LINGO2: variants seen among roughly 807,000 people sequenced by gnomAD.
LINGO2 encodes the protein leucine-rich repeat and immunoglobulin-like domain-containing nogo receptor-interacting protein 2.
Under a neutral mutation model 30.6 loss-of-function variants are expected in LINGO2, and 14 were observed. The observed-to-expected ratio is 0.46, with a 90% confidence interval of 0.30 to 0.72. The LOEUF (loss-of-function observed/expected upper bound fraction) is 0.72. Ranked by LOEUF, LINGO2 falls within the 30% of genes least tolerant of loss-of-function variation. The pLI is 0.07. For missense variants in LINGO2, 729 were observed against 751.7 expected, an observed-to-expected ratio of 0.97 and a Z score of 0.35; for synonymous variants, 317 against 288.5, an observed-to-expected ratio of 1.10 and a Z score of -1.00.
At chr9:28,830,574 T>G in the LINGO2 span, among the ~76,000 whole-genome samples, 1 of 152,110 alleles carries the variant, frequency 6.6e-6, no homozygotes, top group East Asian at 1.9e-4. Context: ...GAAACTAATA[T>G]GATAGTCCAG....
At chr9:28,559,075 T>C (rs2135541944) in intron 1 of LINGO2, among the ~76,000 whole-genome samples, 1 of 152,230 alleles carries the variant, frequency 6.6e-6, no homozygotes, top group East Asian at 1.9e-4. Context: ...GACTAGGATG[T>C]TTACTTCTTC....
At chr9:28,670,487 G>T, upstream of LINGO2, among the ~76,000 whole-genome samples, 1 of 152,044 alleles carries the variant, frequency 6.6e-6, no homozygotes, top group East Asian at 1.9e-4. Flanking sequence ...TACTAAAATA[G>T]ACCCTAGATT....
intron 4 of LINGO2, among the ~76,000 whole-genome samples, chr9:28,083,371 T>G (rs1441467331): frequency 6.6e-6 from 1 of 152,164 alleles, no homozygotes; most frequent in East Asian, 1.9e-4. Context: ...GTGAGAACCT[T>G]CTTCAATAAG....
At chr9:28,810,192 T>C in the LINGO2 span, among the ~76,000 whole-genome samples, 2 of 152,200 alleles carry the variant, frequency 1.3e-5, no homozygotes, top group Non-Finnish European at 2.9e-5. Context: ...TAGAACTATT[T>C]GGATATTTTT....
chr9:28,773,840 C>A, the LINGO2 span, among the ~76,000 whole-genome samples: 1 of 151,990 alleles, frequency 6.6e-6, no homozygotes, highest in South Asian at 2.1e-4. Context: ...TTTTTCAGTC[C>A]TCAGGAGTCC....
the LINGO2 span, among the ~76,000 whole-genome samples, chr9:29,021,717 G>GAAGGAAGA: frequency 6.7e-6 from 1 of 150,220 alleles, no homozygotes; most frequent in South Asian, 2.1e-4. Flanking sequence ...AGGAAGGAAG[G>GAAGGAAGA]AAGGAAGGAA....
intron 5 of LINGO2, among the ~76,000 whole-genome samples, chr9:27,972,081 T>C (rs1403361486): frequency 6.6e-6 from 1 of 151,932 alleles, no homozygotes; most frequent in Non-Finnish European, 1.5e-5. Flanking sequence ...GGAACCAAAG[T>C]CACAAAAGGA....
chr9:28,611,444 A>T (rs1825912684), intron 1 of LINGO2, among the ~76,000 whole-genome samples: 1 of 152,180 alleles, frequency 6.6e-6, no homozygotes, highest in Middle Eastern at 3.4e-3. Flanking sequence ...ATATAGTATT[A>T]GTAACTACAG....
At chr9:28,571,490 TTCTC>T (rs1203215934) in intron 1 of LINGO2, among the ~76,000 whole-genome samples, 1 of 152,042 alleles carries the variant, frequency 6.6e-6, no homozygotes, top group Non-Finnish European at 1.5e-5. Context: ...TTCACAGACA[TTCTC>T]TCTAATTCAT....
At chr9:28,908,152 CACAT>C in the LINGO2 span, among the ~76,000 whole-genome samples, 66 of 66,966 alleles carry the variant, frequency 9.9e-4, no homozygotes, top group East Asian at 0.021. Flanking sequence ...CACACACACA[CACAT>C]ACACACACAC....
At chr9:28,355,575 T>C (rs1820168159) in intron 3 of LINGO2, among the ~76,000 whole-genome samples, 1 of 151,948 alleles carries the variant, frequency 6.6e-6, no homozygotes, top group African/African-American at 2.4e-5. Flanking sequence ...CAAGTGAAGG[T>C]GGGTCTGCAA....
rs193130062 is a variant in LINGO2 at position 28,126,705 on chromosome 9, G to A, written c.-86-114300C>T. ...TTGCAATATGCATTAACAAGCCAGA[G>A]ACACAACAAATAAATATCAACTTTA... On this transcript the variant is annotated intron_variant, in intron 4 of 5. Coordinates refer to ENST00000379992, the Ensembl canonical transcript of LINGO2. Among the ~76,000 whole-genome samples the A allele has an allele frequency of 6.6e-5, 10 of 152,316 alleles. No individual in the cohort carries two copies. The East Asian group carries it at 1.9e-3, about 29-fold the overall frequency.
At chr9:28,612,945 T>C (rs1825981632) in intron 1 of LINGO2, among the ~76,000 whole-genome samples, 5 of 152,106 alleles carry the variant, frequency 3.3e-5, no homozygotes, top group Admixed American at 3.3e-4. Flanking sequence ...CAGGTGGAGA[T>C]AATGGAATCA....
chr9:28,357,312 A>G (rs1420662500), intron 3 of LINGO2, among the ~76,000 whole-genome samples: 1 of 55,000 alleles, frequency 1.8e-5, no homozygotes, highest in Non-Finnish European at 3.4e-5. Context: ...ATACAGAAAT[A>G]AAGCCCACCC....
At chr9:28,560,644 G>A (rs895031724) in intron 1 of LINGO2, among the ~76,000 whole-genome samples, 2 of 151,728 alleles carry the variant, frequency 1.3e-5, no homozygotes, top group African/African-American at 2.4e-5. Context: ...ACTGTTTGGC[G>A]TTTTTATTTT....
the LINGO2 span, among the ~76,000 whole-genome samples, chr9:28,792,728 T>A: frequency 3.3e-5 from 5 of 152,148 alleles, no homozygotes; most frequent in Non-Finnish European, 7.4e-5. Flanking sequence ...TCAAGTGTCT[T>A]AAGTGAAATT....
At chr9:28,966,415 G>A in the LINGO2 span, among the ~76,000 whole-genome samples, 1 of 152,052 alleles carries the variant, frequency 6.6e-6, no homozygotes, top group African/African-American at 2.4e-5. Flanking sequence ...ATTATAAACT[G>A]TACGTCAACT....
the LINGO2 span, among the ~76,000 whole-genome samples, chr9:28,824,603 C>T: frequency 6.6e-6 from 1 of 152,118 alleles, no homozygotes; most frequent in Non-Finnish European, 1.5e-5. Context: ...AAAAAGGCTA[C>T]AAGGCAGCAT....
At chr9:28,165,730 TTTAG>T (rs1410047504) in intron 4 of LINGO2, among the ~76,000 whole-genome samples, 8 of 152,342 alleles carry the variant, frequency 5.3e-5, no homozygotes, top group East Asian at 1.9e-4. Flanking sequence ...GCTCAATTAT[TTTAG>T]TTAGTTTCCC....
Sources: gnomAD v4.1 joint callset for allele counts (sites outside exome capture counted in the v4.1 genomes callset) on GRCh38, gnomAD v4.1.1 for gene constraint, MANE v1.5 for transcripts, NCBI Gene and HGNC (gene_info 2026-07-23, HGNC 2026-07-21) for gene names.